Variants in SNRPD3 observed in about 807,000 individuals in gnomAD.
The protein encoded by SNRPD3 is small nuclear ribonucleoprotein D3 polypeptide.
For missense variants in SNRPD3, 73 were observed against 167.5 expected (o/e 0.44, Z 3.11); for synonymous variants, 66 against 58.4 (o/e 1.13, Z -0.59).
At chr22:24,561,704 G>A (rs1179566353) in intron 2 of SNRPD3, among the ~76,000 whole-genome samples, 1 of 152,116 alleles carries the variant, frequency 6.6e-6, no homozygotes, top group African/African-American at 2.4e-5. Flanking sequence ...AACATTTTCT[G>A]TTATAAAAGT....
rs1409239246 is a variant in SNRPD3, at chr22:24,574,343, G to C, written c.*2366G>C. Among the ~76,000 whole-genome samples, 1 of 152,164 alleles carries C rather than the reference G, an allele frequency of 6.6e-6. No homozygotes were observed. Among genetic ancestry groups the C allele is most frequent in the Non-Finnish European group, 1.5e-5 (1 of 68,018 alleles). The stretch of plus-strand genomic sequence containing the variant: ...AGCTTTGTAAACAGTTTTATATCCT[G>C]CATCTTAGGGGGGAAAATCAGTTGA... On this transcript the variant is annotated 3_prime_UTR_variant, in exon 4 of 4. Coordinates refer to ENST00000215829, the MANE Select transcript of SNRPD3 (RefSeq NM_004175.5).
chr22:24,556,787 G>A (rs1457386865), intron 1 of SNRPD3, among the ~76,000 whole-genome samples: 1 of 152,232 alleles, frequency 6.6e-6, no homozygotes, highest in Non-Finnish European at 1.5e-5. Context: ...CACCAAAGGA[G>A]CCTGTCCTTT....
Position 24,574,941 on chromosome 22 carries a change from T to C in SNRPD3, c.*2964T>C, listed in dbSNP as rs1452510449. ...GGTTAGATCATATTCAGTGTCAAAT[T>C]ATTAAGATGTGATTAAACTTTTTAA... is the stretch of plus-strand genomic sequence containing the variant. On this transcript the variant is annotated 3_prime_UTR_variant, in exon 4 of 4. Transcript: ENST00000215829. 3.3e-5 allele frequency among the ~76,000 whole-genome samples: 5 copies of C among 152,210 alleles called. No individual in the cohort carries two copies. In the East Asian group the frequency reaches 7.7e-4, roughly 23 times the overall value.
intron 1 of SNRPD3, 87 bp downstream of exon 1, chr22:24,556,158 G>A: frequency 2.3e-6 from 1 of 437,314 alleles, no homozygotes; most frequent in South Asian, 3.2e-5. Flanking sequence ...AACTCTGCGG[G>A]GCTCGGGGAG....
chr22:24,566,555 C>T (rs1335725759), intron 2 of SNRPD3, among the ~76,000 whole-genome samples: 1 of 152,168 alleles, frequency 6.6e-6, no homozygotes, highest in Non-Finnish European at 1.5e-5. Context: ...AGCCACCACA[C>T]CTGGCCCATA....
intron 3 of SNRPD3, 82 bp from the exon 4 acceptor site, chr22:24,571,834 T>C (rs1259352094): frequency 1.4e-6 from 2 of 1,392,054 alleles, no homozygotes. Context: ...TTCTAACTGG[T>C]GTCCTAGGGC....
chr22:24,565,498 G>A (rs897229627), intron 2 of SNRPD3, among the ~76,000 whole-genome samples: 48 of 152,188 alleles, frequency 3.2e-4, no homozygotes, highest in African/African-American at 1.1e-3. Flanking sequence ...CAGCTTTGTA[G>A]TTGAGGGAAC....
At chr22:24,555,767 C>T, upstream of SNRPD3, 1 of 1,550,442 alleles carries the variant, frequency 6.4e-7, no homozygotes, top group Non-Finnish European at 8.7e-7. Flanking sequence ...AGTGTGAGCA[C>T]CCTCTCTGGC....
intron 2 of SNRPD3, among the ~76,000 whole-genome samples, chr22:24,559,599 G>A (rs772321969): frequency 6.6e-6 from 1 of 152,158 alleles, no homozygotes; most frequent in African/African-American, 2.4e-5. Context: ...CTTGGTGTCC[G>A]ACAGACCTGG....
At chr22:24,567,713 T>G (rs2045209277) in intron 2 of SNRPD3, among the ~76,000 whole-genome samples, 1 of 151,748 alleles carries the variant, frequency 6.6e-6, no homozygotes, top group Admixed American at 6.6e-5. Flanking sequence ...ACCATTGCAC[T>G]TCAGCCTGGG....
chr22:24,558,750 T>C (rs888074166), intron 2 of SNRPD3, among the ~76,000 whole-genome samples: 2 of 152,210 alleles, frequency 1.3e-5, no homozygotes, highest in South Asian at 4.1e-4. Context: ...CAGCGTAGTT[T>C]TGAGGAAATC....
In SNRPD3 at chr22:24,572,492, G is replaced by A. The variant is rs1310787567; in HGVS notation, c.*515G>A. ...ATAGGTAATTCAGGGGCTGGGTGCG[G>A]CGGCTCACGCATGTAATCCCAGCAC... is the stretch of plus-strand genomic sequence containing the variant. On this transcript the variant is annotated 3_prime_UTR_variant, in exon 4 of 4. Transcript: ENST00000215829. The A allele has an allele frequency of 4.1e-6, 1 of 242,904 alleles. No individual in the cohort carries two copies. Among genetic ancestry groups the A allele is most frequent in the Non-Finnish European group, 8.0e-6 (1 of 124,336 alleles). The allele number at this position is 242,904 out of a possible 1,614,324, so 15.0% of individuals were successfully genotyped here. A position where few individuals can be genotyped will look rare whatever the true frequency, so the allele number is the denominator to read the frequency against.
chr22:24,572,950 T>G lies in SNRPD3; in HGVS notation c.*973T>G, dbSNP rs994117441. On this transcript the variant is annotated 3_prime_UTR_variant, in exon 4 of 4. Transcript: ENST00000215829. The stretch of plus-strand genomic sequence containing the variant: ...TGACCAGCAGCTCAGCACAGTGGCT[T>G]GCTTCCAGCACTCTGGGAGGCTGAG... Among the ~76,000 whole-genome samples the G allele has an allele frequency of 1.3e-5, 2 of 152,190 alleles. No homozygotes were observed. The highest frequency in any genetic ancestry group is 2.1e-4 in the South Asian group (1 of 4,834).
chr22:24,555,909 G>T (rs1378454309), upstream of SNRPD3: 3 of 1,407,126 alleles, frequency 2.1e-6, no homozygotes, highest in African/African-American at 2.8e-5. Flanking sequence ...AAGCGGAGGC[G>T]AGACCGCGCT....
chr22:24,567,934 A>G (rs776846444), intron 2 of SNRPD3, 50 bp from the exon 3 acceptor site: 1 of 1,454,674 alleles, frequency 6.9e-7, no homozygotes, highest in African/African-American at 1.4e-5. Context: ...GGCCCTCCCC[A>G]CCGCTGGTGC....
intron 3 of SNRPD3, among the ~76,000 whole-genome samples, chr22:24,569,906 G>A (rs979995496): frequency 2.0e-5 from 3 of 152,232 alleles, no homozygotes; most frequent in African/African-American, 7.2e-5. Flanking sequence ...GTTTCCTCCC[G>A]GCACATGGAT....
At chr22:24,560,787 G>A (rs2045133169) in intron 2 of SNRPD3, among the ~76,000 whole-genome samples, 1 of 32,102 alleles carries the variant, frequency 3.1e-5, no homozygotes, top group African/African-American at 1.2e-4. Context: ...GAGTACAGTG[G>A]CACAATCTCA....
intron 1 of SNRPD3, among the ~76,000 whole-genome samples, chr22:24,556,607 T>C (rs2045071601): frequency 6.6e-6 from 1 of 152,264 alleles, no homozygotes; most frequent in African/African-American, 2.4e-5. Context: ...GTTTTAACTG[T>C]TGCAGAAGTT....
At position 24,572,173 on chromosome 22, in the gene SNRPD3, T is replaced by C; in HGVS notation, c.*196T>C. 1.8e-6 allele frequency: 2 copies of C among 1,139,606 alleles called. No individual in the cohort carries two copies. Among genetic ancestry groups the C allele is most frequent in the Non-Finnish European group, 2.5e-6 (2 of 788,252 alleles). 70.6% of individuals were successfully genotyped at this position (1,139,606 alleles called of 1,614,324 possible). On this transcript the variant is annotated 3_prime_UTR_variant, in exon 4 of 4. Transcript: ENST00000215829. ...TTTCTTTGAGAAAATAAGGACTTTG[T>C]GTTCATTTGAAGTTTGCTTTGGCTA...
Sources: gnomAD v4.1 joint callset for allele counts (sites outside exome capture counted in the v4.1 genomes callset) on GRCh38, gnomAD v4.1.1 for gene constraint, MANE v1.5 for transcripts, NCBI Gene and HGNC (gene_info 2026-07-23, HGNC 2026-07-21) for gene names.